The following CCSER1 variants were observed in gnomAD, a reference collection of about 807,000 sequenced individuals.
CCSER1 encodes coiled-coil serine rich protein 1.
CCSER1 carries 41 observed loss-of-function variants against 82.0 expected under a neutral mutation model. The observed-to-expected ratio is 0.50, with a 90% CI of 0.39 to 0.65. The LOEUF (loss-of-function observed/expected upper bound fraction) is 0.65, where lower values mean the gene tolerates loss of function less well. Among genes scored for constraint, CCSER1 ranks in the 30% least tolerant of loss-of-function variants. The pLI, the probability that CCSER1 is intolerant of heterozygous loss-of-function variation, is 0.00. For missense variants in CCSER1, 1,119 were observed against 1,064.2 expected, an observed-to-expected ratio of 1.05 and a Z score of -0.72; for synonymous variants, 414 against 383.9, an observed-to-expected ratio of 1.08 and a Z score of -0.92.
rs200488526 is a variant in CCSER1 at position 90,565,864 on chromosome 4, A to ATT, written c.1725-62146_1725-62145dup. ...TCATCACTAGGATGAATCCCTCTTG[A>ATT]TTTTTTTTTTTTTTTTGAGACAGTC... On this transcript the variant is annotated intron_variant, in intron 5 of 10. Coordinates refer to ENST00000509176, the MANE Select transcript of CCSER1 (RefSeq NM_001145065.2). 3.0e-3 allele frequency among the ~76,000 whole-genome samples: 414 copies of ATT among 136,822 alleles called. 5 individuals carry two copies. Among genetic ancestry groups the ATT allele is most frequent in the Admixed American group, 0.011 (150 of 13,624 alleles). The allele number at this position is 136,822 out of a possible 152,430, so 89.8% of individuals were successfully genotyped here. A position where few individuals can be genotyped will look rare whatever the true frequency, so the allele number is the denominator to read the frequency against.
At chr4:91,178,233 A>C (rs890253666) in intron 10 of CCSER1, among the ~76,000 whole-genome samples, 8 of 152,138 alleles carry the variant, frequency 5.3e-5, no homozygotes, top group Admixed American at 2.0e-4. Flanking sequence ...ACCTCCAACT[A>C]TGTGGTCGGT....
At chr4:90,859,752 C>T (rs1764857592) in intron 8 of CCSER1, among the ~76,000 whole-genome samples, 1 of 151,704 alleles carries the variant, frequency 6.6e-6, no homozygotes. Context: ...CTACTAAACA[C>T]ATGTTTCTTT....
chr4:91,022,582 C>G (rs1441157241), intron 9 of CCSER1, among the ~76,000 whole-genome samples: 2 of 152,162 alleles, frequency 1.3e-5, no homozygotes, highest in African/African-American at 4.8e-5. Flanking sequence ...GAGGAATCGC[C>G]ACACTGACTT....
chr4:91,477,803 CA>C (rs1174877503), intron 10 of CCSER1, among the ~76,000 whole-genome samples: 4 of 151,690 alleles, frequency 2.6e-5, no homozygotes, highest in Non-Finnish European at 4.4e-5. Flanking sequence ...TAAAACAACA[CA>C]CCAAATCAAC....
At chr4:90,337,903 CTCTT>C (rs1740706477) in intron 3 of CCSER1, among the ~76,000 whole-genome samples, 1 of 152,054 alleles carries the variant, frequency 6.6e-6, no homozygotes, top group African/African-American at 2.4e-5. Flanking sequence ...CTGGGATTTT[CTCTT>C]TCTTCATTCA....
intron 10 of CCSER1, among the ~76,000 whole-genome samples, chr4:91,578,605 AT>A (rs1217227125): frequency 6.6e-6 from 1 of 151,948 alleles, no homozygotes; most frequent in Non-Finnish European, 1.5e-5. Context: ...CATAAATTTA[AT>A]TTTTTAAAAT....
At chr4:90,272,814 A>G (rs1167519682) in intron 1 of CCSER1, among the ~76,000 whole-genome samples, 1 of 152,020 alleles carries the variant, frequency 6.6e-6, no homozygotes, top group Non-Finnish European at 1.5e-5. Context: ...ACCAGCCTGG[A>G]CAACATGGTG....
chr4:90,260,161 A>C (rs1724064983), intron 1 of CCSER1, among the ~76,000 whole-genome samples: 1 of 152,164 alleles, frequency 6.6e-6, no homozygotes, highest in Admixed American at 6.5e-5. Flanking sequence ...TGGTCTGTTC[A>C]GTGTTCCTGT....
chr4:90,964,399 GT>G (rs1372457414), intron 9 of CCSER1, among the ~76,000 whole-genome samples: 1 of 151,984 alleles, frequency 6.6e-6, no homozygotes, highest in Non-Finnish European at 1.5e-5. Context: ...GAATAACACA[GT>G]AAAGGCATCT....
At chr4:91,472,067 C>G (rs189318661) in intron 10 of CCSER1, among the ~76,000 whole-genome samples, 26 of 151,730 alleles carry the variant, frequency 1.7e-4, no homozygotes, top group Admixed American at 1.4e-3. Flanking sequence ...TTAGAATTCA[C>G]TTGGCACACA....
intron 1 of CCSER1, among the ~76,000 whole-genome samples, chr4:90,218,169 T>C (rs766722865): frequency 1.4e-4 from 21 of 152,212 alleles, no homozygotes; most frequent in Non-Finnish European, 2.8e-4. Flanking sequence ...GCTTTATCCA[T>C]GTCTACTGAG....
chr4:91,385,189 A>C (rs1190493375), intron 10 of CCSER1, among the ~76,000 whole-genome samples: 1 of 152,066 alleles, frequency 6.6e-6, no homozygotes, highest in Admixed American at 6.6e-5. Context: ...ATCCAAACTT[A>C]GTTGAATAAA....
chr4:90,189,610 A>G (rs1735255938), intron 1 of CCSER1, among the ~76,000 whole-genome samples: 1 of 151,864 alleles, frequency 6.6e-6, no homozygotes, highest in African/African-American at 2.4e-5. Context: ...AATATTCGTA[A>G]TGTTCCTTTT....
At chr4:90,931,852 A>G (rs73834586) in intron 9 of CCSER1, among the ~76,000 whole-genome samples, 6,095 of 152,234 alleles carry the variant, frequency 0.04, 337 homozygotes, top group African/African-American at 0.12. Flanking sequence ...GCTAGCTTCT[A>G]CCTTTTGCCA....
At chr4:91,084,471 G>A (rs1468104347) in intron 9 of CCSER1, among the ~76,000 whole-genome samples, 1 of 152,004 alleles carries the variant, frequency 6.6e-6, no homozygotes, top group African/African-American at 2.4e-5. Context: ...ATTTGTTAAA[G>A]GGCATAGAGA....
intron 10 of CCSER1, among the ~76,000 whole-genome samples, chr4:91,382,468 C>A (rs893355451): frequency 1.3e-5 from 2 of 152,170 alleles, no homozygotes; most frequent in Non-Finnish European, 2.9e-5. Context: ...ACTGTGCTAG[C>A]AATGAGTGAG....
intron 10 of CCSER1, among the ~76,000 whole-genome samples, chr4:91,251,198 A>G (rs1055808996): frequency 1.3e-5 from 2 of 152,160 alleles, no homozygotes; most frequent in Non-Finnish European, 2.9e-5. Context: ...TGGAGGCTAG[A>G]AGTCCAAGAT....
intron 5 of CCSER1, among the ~76,000 whole-genome samples, chr4:90,569,382 C>A (rs548854791): frequency 6.6e-6 from 1 of 152,090 alleles, no homozygotes; most frequent in Non-Finnish European, 1.5e-5. Context: ...TGGAAGAGAA[C>A]CTTTGATCAA....
chr4:90,793,791 G>A (rs11941951), intron 7 of CCSER1, among the ~76,000 whole-genome samples: 52,859 of 152,016 alleles, frequency 0.35, 9,554 homozygotes, highest in African/African-American at 0.46. Flanking sequence ...CACCAACAGC[G>A]TATAAGCATT....
Sources: gnomAD v4.1 joint callset for allele counts (sites outside exome capture counted in the v4.1 genomes callset) on GRCh38, gnomAD v4.1.1 for gene constraint, MANE v1.5 for transcripts, NCBI Gene and HGNC (gene_info 2026-07-23, HGNC 2026-07-21) for gene names.